Variants in FBXO38 observed in about 807,000 individuals in gnomAD.
FBXO38 encodes F-box protein 38.
Under a neutral mutation model 131.9 loss-of-function variants are expected in FBXO38, and 53 were observed. The observed-to-expected ratio is 0.40, with a 90% CI of 0.32 to 0.51. FBXO38 has a LOEUF of 0.51. FBXO38 is among the 20% of genes least tolerant of loss of function. The pLI is 0.53. For synonymous variants in FBXO38, 452 were observed against 505.6 expected (o/e 0.89, Z 1.42); for missense variants, 1,076 against 1,475.6 (o/e 0.73, Z 4.44).
At chr5:148,424,825 G>A (rs1015129392) in intron 13 of FBXO38, among the ~76,000 whole-genome samples, 1 of 152,124 alleles carries the variant, frequency 6.6e-6, no homozygotes, top group African/African-American at 2.4e-5. Context: ...CCTACTCTGT[G>A]TCAGGCATTG....
Position 148,406,303 on chromosome 5 carries a change from C to T in FBXO38, c.777C>T (p.Ala259=). 1.2e-6 allele frequency: 2 copies of T among 1,609,896 alleles called. No homozygotes were observed. The highest frequency in any genetic ancestry group is 2.7e-5 in the African/African-American group (2 of 74,820). The change falls in exon 7 of 22, where the codon GCC becomes GCT. Residue 259 remains alanine (A), a synonymous_variant. Coordinates refer to ENST00000340253, the MANE Select transcript of FBXO38 (RefSeq NM_205836.3). ...LKYVPLVTGL[A]SARNLEHLEM... ...ATGTCCCTTTAGTAACAGGCTTAGC[C>T]TCTGCCCGAAACTTGGAACACTTAG...
In FBXO38 at chr5:148,407,903, TG is replaced by T. The variant is rs555212960; in HGVS notation, c.869-1220del. Among the ~76,000 whole-genome samples the T allele has an allele frequency of 4.6e-5, 7 of 151,208 alleles. No homozygotes were observed. The East Asian group carries it at 1.4e-3, about 30-fold the overall frequency. On this transcript the variant is annotated intron_variant, in intron 7 of 21. Coordinates refer to ENST00000340253, the MANE Select transcript of FBXO38 (RefSeq NM_205836.3). Reference sequence around the variant, plus strand: ...TCGCACCACTGCACTCCAGCCTGGGTGAGAGAGTGAGACTCTGTCTCAAAAA... The same window carrying T: ...TCGCACCACTGCACTCCAGCCTGGGTAGAGAGTGAGACTCTGTCTCAAAAA...
At chr5:148,402,567 G>T (rs2113533843) in intron 5 of FBXO38, 54 bp downstream of exon 5, 1 of 1,351,058 alleles carries the variant, frequency 7.4e-7, no homozygotes, top group Non-Finnish European at 1.0e-6. Flanking sequence ...CATAAAATGT[G>T]AATATTCACT....
chr5:148,387,397 T>G (rs916161577), intron 1 of FBXO38, among the ~76,000 whole-genome samples: 2 of 152,198 alleles, frequency 1.3e-5, no homozygotes, highest in African/African-American at 2.4e-5. Flanking sequence ...TGTAGTTCTC[T>G]TGCTATTTCC....
intron 5 of FBXO38, among the ~76,000 whole-genome samples, 169 bp from the exon 6 acceptor site, chr5:148,404,516 G>A (rs555348386): frequency 2.0e-5 from 3 of 152,246 alleles, no homozygotes; most frequent in Non-Finnish European, 4.4e-5. Context: ...TTCTTTGTAA[G>A]CCTGTTTTAA....
intron 1 of FBXO38, chr5:148,384,939 C>G (rs1237705367): frequency 6.6e-6 from 1 of 152,174 alleles, no homozygotes; most frequent in African/African-American, 2.4e-5. Context: ...TTGGCCAAAT[C>G]CCTTCCTCTC....
In FBXO38 at chr5:148,441,104, A is replaced by G. The variant is rs766060778; in HGVS notation, c.3275-20A>G. 14 of 1,574,970 alleles carry G rather than the reference A, an allele frequency of 8.9e-6. No homozygotes were observed. The African/African-American group carries it at 9.4e-5, about 11-fold the overall frequency. On this transcript the variant is annotated intron_variant, in intron 20 of 21. Coordinates refer to ENST00000340253, the MANE Select transcript of FBXO38 (RefSeq NM_205836.3). ...GTCAGCACTCCCACGCCAGTTAGCA[A>G]TGTTACATTTGTCTTTTAGGTGTTG...
intron 15 of FBXO38, 52 bp downstream of exon 15, chr5:148,427,999 C>T: frequency 7.0e-7 from 1 of 1,421,630 alleles, no homozygotes. Context: ...TGCAGAAAGG[C>T]ATGAACTTGT....
At chr5:148,424,166 ACTGT>A (rs1238571894) in intron 13 of FBXO38, 49 bp downstream of exon 13, 9 of 1,574,610 alleles carry the variant, frequency 5.7e-6, no homozygotes, top group Non-Finnish European at 7.8e-6. Flanking sequence ...CTACGGCCTA[ACTGT>A]AATGAAGTAC....
At chr5:148,417,656 C>T (rs914754884) in intron 12 of FBXO38, among the ~76,000 whole-genome samples, 3 of 152,140 alleles carry the variant, frequency 2.0e-5, no homozygotes, top group Non-Finnish European at 2.9e-5. Context: ...TCTTCACTTC[C>T]ACCCTGCAGA....
In FBXO38 at chr5:148,442,173, T is replaced by G. The variant is rs1464980035; in HGVS notation, c.*26T>G. 3.1e-6 allele frequency: 5 copies of G among 1,606,730 alleles called. No individual in the cohort carries two copies. In the Admixed American group the frequency reaches 8.4e-5, roughly 27 times the overall value. ...TTGGTCCCTCCTCCTTTCCAGCTAT[T>G]TTGTCAGAAAGCAAGTAGGGCCATC... is the stretch of plus-strand genomic sequence containing the variant. On this transcript the variant is annotated 3_prime_UTR_variant, in exon 22 of 22. Coordinates refer to ENST00000340253, the MANE Select transcript of FBXO38 (RefSeq NM_205836.3).
chr5:148,414,428 G>A lies in FBXO38; in HGVS notation c.1264+122G>A, dbSNP rs185143610. The stretch of plus-strand genomic sequence containing the variant: ...AAAATGTAGGTATTTCATTTGGATT[G>A]TTCATACAAGTTCTGGTAACCTTTG... On this transcript the variant is annotated intron_variant, in intron 10 of 21. Transcript: ENST00000340253. The A allele has an allele frequency of 3.3e-6, 3 of 907,758 alleles. No individual in the cohort carries two copies. In the East Asian group the frequency reaches 8.2e-5, roughly 25 times the overall value. The allele number at this position is 907,758 out of a possible 1,614,324, so 56.2% of individuals were successfully genotyped here.
intron 7 of FBXO38, among the ~76,000 whole-genome samples, chr5:148,408,551 C>T (rs878901790): frequency 6.6e-6 from 1 of 152,222 alleles, no homozygotes; most frequent in Non-Finnish European, 1.5e-5. Context: ...GAACAGACTA[C>T]AGCTACACAG....
At chr5:148,392,591 G>GTGTGTA (rs1364068170) in intron 1 of FBXO38, among the ~76,000 whole-genome samples, 6 of 150,724 alleles carry the variant, frequency 4.0e-5, no homozygotes, top group African/African-American at 1.5e-4. Flanking sequence ...TTGTGTGTGT[G>GTGTGTA]TGTGTGTGTG....
intron 8 of FBXO38, among the ~76,000 whole-genome samples, chr5:148,409,599 A>C (rs1752636234): frequency 6.6e-6 from 1 of 152,232 alleles, no homozygotes; most frequent in Non-Finnish European, 1.5e-5. Context: ...ACTTGGTGAT[A>C]ATATTTGCTA....
At chr5:148,430,866 A>C (rs1345972116) in intron 15 of FBXO38, 1 of 152,226 alleles carries the variant, frequency 6.6e-6, no homozygotes, top group Non-Finnish European at 1.5e-5. Flanking sequence ...CTCACTGTAT[A>C]ACAATTTATA....
At chr5:148,428,855 T>A (rs1753872326) in intron 15 of FBXO38, among the ~76,000 whole-genome samples, 1 of 152,244 alleles carries the variant, frequency 6.6e-6, no homozygotes, top group Non-Finnish European at 1.5e-5. Context: ...CATAAACTCA[T>A]TGAAATATAT....
chr5:148,409,721 T>C (rs1006602746), intron 8 of FBXO38, among the ~76,000 whole-genome samples: 2 of 152,244 alleles, frequency 1.3e-5, no homozygotes, highest in Non-Finnish European at 2.9e-5. Context: ...ATTTCTTACA[T>C]ATCAATGGTC....
intron 1 of FBXO38, among the ~76,000 whole-genome samples, chr5:148,393,197 G>GTT (rs2113498627): frequency 7.0e-6 from 1 of 143,322 alleles, no homozygotes; most frequent in African/African-American, 2.8e-5. Context: ...GGGTGTGTGT[G>GTT]TGTGTGTGTG....
Sources: allele counts gnomAD v4.1 joint callset (sites outside exome capture counted in the v4.1 genomes callset), GRCh38; gene constraint gnomAD v4.1.1; transcripts MANE v1.5; gene names NCBI Gene and HGNC (gene_info 2026-07-23, HGNC 2026-07-21).